Variants in PLCL1 observed in about 807,000 individuals in gnomAD.
PLCL1 encodes the protein inactive phospholipase C-like protein 1.
A neutral mutation model predicts 84.4 loss-of-function variants in PLCL1; 41 were observed. The ratio of observed to expected loss-of-function variants is 0.49; its 90% CI spans 0.38 to 0.63. PLCL1 has a LOEUF of 0.63. Among genes scored for constraint, PLCL1 ranks in the 30% least tolerant of loss-of-function variants. The pLI, the probability that PLCL1 is intolerant of heterozygous loss-of-function variation, is 0.00. For missense variants in PLCL1, 1,206 were observed against 1,367.8 expected (o/e 0.88, Z 1.87); for synonymous variants, 490 against 488.3 (o/e 1.00, Z -0.05).
chr2:197,953,240 T>G (rs1689422587), intron 1 of PLCL1, among the ~76,000 whole-genome samples: 1 of 152,094 alleles, frequency 6.6e-6, no homozygotes, highest in Non-Finnish European at 1.5e-5. Flanking sequence ...TTCCAAAGTT[T>G]GGTTTTCCGT....
At chr2:197,990,053 G>A (rs974891258) in intron 1 of PLCL1, among the ~76,000 whole-genome samples, 7 of 152,158 alleles carry the variant, frequency 4.6e-5, no homozygotes, top group African/African-American at 1.4e-4. Context: ...TAGGCCTATG[G>A]AAGTCACCTT....
chr2:197,825,415 A>T (rs2106421301), intron 1 of PLCL1, among the ~76,000 whole-genome samples: 1 of 152,304 alleles, frequency 6.6e-6, no homozygotes, highest in South Asian at 2.1e-4. Context: ...GATTTTCACA[A>T]GGATGATATA....
chr2:198,084,377 T>G lies in PLCL1; in HGVS notation c.860T>G (p.Ile287Ser). 1 of 1,614,046 alleles carries G rather than the reference T, an allele frequency of 6.2e-7. No individual in the cohort carries two copies. The highest frequency in any genetic ancestry group is 8.5e-7 in the Non-Finnish European group (1 of 1,179,980). Residue 287 changes from isoleucine (I) to serine (S), a missense_variant, in exon 2 of 6, where the codon ATC (isoleucine) becomes AGC (serine). Physicochemically the swap from Ile to Ser is moderately radical, Grantham distance 142. Coordinates refer to ENST00000428675, the MANE Select transcript of PLCL1 (RefSeq NM_006226.4). ...EAKIRLKFKE[I>S]QKSKEKLTTR... is the part of the protein sequence containing the mutation. ...AAGATCAGGTTAAAGTTTAAAGAAA[T>G]CCAGAAGAGCAAGGAAAAACTAACC...
chr2:198,112,577 T>C (rs1258290129), intron 5 of PLCL1, among the ~76,000 whole-genome samples: 1 of 151,910 alleles, frequency 6.6e-6, no homozygotes, highest in Non-Finnish European at 1.5e-5. Flanking sequence ...AATCTGTCCT[T>C]TATCAACTGA....
rs375619395 is a variant in PLCL1 at position 197,943,097 on chromosome 2, G to C, written c.240+137758G>C. On this transcript the variant is annotated intron_variant, in intron 1 of 5. Coordinates refer to ENST00000428675, the MANE Select transcript of PLCL1 (RefSeq NM_006226.4). ...TGGCATGCGTGGGATTGTCGGGGGT[G>C]GGGGAGCCTGGAATCACTTGCGCCC... 1.4e-3 allele frequency among the ~76,000 whole-genome samples: 207 copies of C among 151,312 alleles called. 1 individual carries two copies. Among genetic ancestry groups the C allele is most frequent in the African/African-American group, 4.4e-3 (182 of 41,240 alleles).
At chr2:197,981,436 G>T (rs1690103172) in intron 1 of PLCL1, among the ~76,000 whole-genome samples, 2 of 152,116 alleles carry the variant, frequency 1.3e-5, no homozygotes, top group African/African-American at 2.4e-5. Context: ...TAATGGAAAA[G>T]TTTCTTAGGA....
At chr2:197,983,195 CTTTTCTTTTTTTTTTTTTTTTT>C (rs1690150286) in intron 1 of PLCL1, among the ~76,000 whole-genome samples, 1 of 51,708 alleles carries the variant, frequency 1.9e-5, no homozygotes, top group Non-Finnish European at 4.2e-5. Context: ...TTTTTCTTTT[CTTTTCTTTTTTTTTTTTTTTTT>C]TTTTTTTTTT....
chr2:198,122,798 A>G (rs1009128015), intron 5 of PLCL1, among the ~76,000 whole-genome samples: 2 of 152,142 alleles, frequency 1.3e-5, no homozygotes, highest in African/African-American at 4.8e-5. Flanking sequence ...ACAAATAATC[A>G]CTTATAGTTA....
chr2:198,085,830 A>C lies in PLCL1; in HGVS notation c.2313A>C (p.Gln771His), dbSNP rs751374863. 1 of 1,614,048 alleles carries C rather than the reference A, an allele frequency of 6.2e-7. No individual in the cohort carries two copies. The highest frequency in any genetic ancestry group is 1.3e-5 in the African/African-American group (1 of 74,932). The change falls in exon 2 of 6, where the codon CAA becomes CAC. Residue 771 changes from glutamine to histidine, a missense_variant. Gln to His is a conservative substitution (Grantham distance 24, BLOSUM62 0). Coordinates refer to ENST00000428675, the MANE Select transcript of PLCL1 (RefSeq NM_006226.4). This position sits in a 1 kb window ranked among gnomAD's most constrained non-coding sequence, Gnocchi z 5.3. ...AACAAAGAACTAAAACTGTACAGCA[A>C]AACAGTGATAATCCTATTTTTGATG... ...CSEQRTKTVQ[Q>H]NSDNPIFDET...
At chr2:197,973,303 G>A (rs1689906855) in intron 1 of PLCL1, among the ~76,000 whole-genome samples, 1 of 152,172 alleles carries the variant, frequency 6.6e-6, no homozygotes, top group Non-Finnish European at 1.5e-5. Context: ...CAATTCAGCA[G>A]ATTTTTGAGT....
At chr2:198,040,279 G>T (rs1156973532) in intron 1 of PLCL1, among the ~76,000 whole-genome samples, 2 of 152,038 alleles carry the variant, frequency 1.3e-5, no homozygotes, top group Non-Finnish European at 2.9e-5. Flanking sequence ...CTGGCTCTTG[G>T]GCTTCATGTT....
intron 1 of PLCL1, among the ~76,000 whole-genome samples, chr2:198,060,162 A>G (rs1333626691): frequency 6.6e-6 from 1 of 152,190 alleles, no homozygotes; most frequent in African/African-American, 2.4e-5. Flanking sequence ...GAAATCAGAA[A>G]CGACCATTCA....
intron 2 of PLCL1, among the ~76,000 whole-genome samples, chr2:198,087,990 G>A (rs1405612624): frequency 2.6e-5 from 4 of 152,078 alleles, no homozygotes; most frequent in Non-Finnish European, 4.4e-5. Context: ...CATATTCTAT[G>A]TAACTTTTTC....
At chr2:197,923,577 G>C (rs1176073006) in intron 1 of PLCL1, among the ~76,000 whole-genome samples, 2 of 147,246 alleles carry the variant, frequency 1.4e-5, no homozygotes, top group South Asian at 4.5e-4. Flanking sequence ...GGGCAGAGAC[G>C]CTCCTCACTT....
intron 1 of PLCL1, among the ~76,000 whole-genome samples, chr2:197,941,684 G>A (rs951941815): frequency 2.6e-5 from 4 of 152,192 alleles, no homozygotes; most frequent in African/African-American, 9.7e-5. Flanking sequence ...AAGAAGGTGC[G>A]ATTTGGCCAG....
intron 1 of PLCL1, among the ~76,000 whole-genome samples, chr2:197,860,699 C>T (rs1276702762): frequency 6.6e-6 from 1 of 151,922 alleles, no homozygotes; most frequent in African/African-American, 2.4e-5. Flanking sequence ...CTGTTCATGT[C>T]CTTTGCTACA....
chr2:197,998,484 A>G (rs1690522448), intron 1 of PLCL1, among the ~76,000 whole-genome samples: 1 of 152,034 alleles, frequency 6.6e-6, no homozygotes, highest in Non-Finnish European at 1.5e-5. Flanking sequence ...TAAAATCATT[A>G]TTTGTCCCTT....
intron 1 of PLCL1, among the ~76,000 whole-genome samples, chr2:197,964,132 A>G (rs1689678055): frequency 6.6e-6 from 1 of 152,038 alleles, no homozygotes; most frequent in Non-Finnish European, 1.5e-5. Flanking sequence ...TCTCTCTGTG[A>G]AGAATGTCAT....
chr2:197,820,405 T>A (rs1690793083), intron 1 of PLCL1, among the ~76,000 whole-genome samples: 1 of 152,122 alleles, frequency 6.6e-6, no homozygotes, highest in South Asian at 2.1e-4. Context: ...TGCCAGCCTG[T>A]ATGGCAGTGT....
Sources: allele counts gnomAD v4.1 joint callset (sites outside exome capture counted in the v4.1 genomes callset), GRCh38; gene constraint gnomAD v4.1.1; non-coding constraint Gnocchi (gnomAD v3.1); transcripts MANE v1.5; gene names NCBI Gene and HGNC (gene_info 2026-07-23, HGNC 2026-07-21).